CPLANE1: variants seen among roughly 807,000 people sequenced by gnomAD.
CPLANE1 encodes the protein ciliogenesis and planar polarity effector complex subunit 1, also known as ciliogenesis and planar polarity effector 1.
A neutral mutation model predicts 362.5 loss-of-function variants in CPLANE1; 263 were observed. The observed-to-expected ratio is 0.73, with a 90% CI of 0.66 to 0.80. The LOEUF (loss-of-function observed/expected upper bound fraction) is 0.80, where lower values mean the gene tolerates loss of function less well. Among genes scored for constraint, CPLANE1 ranks in the 30% least tolerant of loss-of-function variants. CPLANE1 has a pLI of 0.00. For synonymous variants in CPLANE1, 1,212 were observed against 1,302.6 expected (o/e 0.93, Z 1.50); for missense variants, 3,461 against 3,793.4 (o/e 0.91, Z 2.30).
intron 42 of CPLANE1, among the ~76,000 whole-genome samples, chr5:37,149,264 C>T (rs1355146416): frequency 6.6e-6 from 1 of 152,104 alleles, no homozygotes; most frequent in Non-Finnish European, 1.5e-5. Context: ...GGATTGGCTC[C>T]TGACATCAAA....
rs765252155 is a variant in CPLANE1, at chr5:37,230,889, G to A, written c.1099C>T (p.Leu367Phe). 8 of 1,537,960 alleles carry A rather than the reference G, an allele frequency of 5.2e-6. No individual in the cohort carries two copies. Among genetic ancestry groups the A allele is most frequent in the South Asian group, 3.7e-5 (3 of 81,332 alleles). The stretch of plus-strand genomic sequence containing the variant: ...CACCTATACGTTATTAGTGGATGAA[G>A]AGGAATAAATTCTGCTGGGCCAAAT... ...IEFGPAEFIP[L>F]HPLITYRPQQ... Residue 367 changes from leucine to phenylalanine, a missense_variant, in exon 9 of 53, where the codon CTT becomes TTT. By Grantham distance (22) the Leu-to-Phe change is conservative. Around this residue, in one of 2 missense-constraint regions of CPLANE1, gnomAD observed 3,380 missense variants for 3,666.1 expected, o/e 0.92. Coordinates refer to ENST00000651892, the MANE Select transcript of CPLANE1 (RefSeq NM_001384732.1).
chr5:37,178,632 C>T (rs1271904807), intron 29 of CPLANE1, among the ~76,000 whole-genome samples: 2 of 150,682 alleles, frequency 1.3e-5, no homozygotes, highest in East Asian at 3.9e-4. Context: ...AAAACAAAAA[C>T]ACAGAATTGT....
chr5:37,195,923 ATACCTCCTT>A lies in CPLANE1; in HGVS notation c.3737_3745del (p.Lys1246_Gly1248del). On this transcript the variant is annotated inframe_deletion, in exon 21 of 53. Coordinates refer to ENST00000651892, the MANE Select transcript of CPLANE1 (RefSeq NM_001384732.1). The stretch of plus-strand genomic sequence containing the variant: ...AGCTGCTCCAGGTCTAAAAAATGCG[ATACCTCCTT>A]TACAGTAATTAAGTAATGACTGAGG... The A allele has an allele frequency of 6.2e-7, 1 of 1,613,462 alleles. No homozygotes were observed. The highest frequency in any genetic ancestry group is 8.5e-7 in the Non-Finnish European group (1 of 1,179,736).
rs1408419225 is a variant in CPLANE1 at position 37,106,609 on chromosome 5, A to T, written c.*993T>A. On this transcript the variant is annotated 3_prime_UTR_variant, in exon 53 of 53. Coordinates refer to ENST00000651892, the MANE Select transcript of CPLANE1 (RefSeq NM_001384732.1). ...TATTTTCTAAAACAATTTGGTAAGG[A>T]GAGTAGCATTGTTTTATAGTTCTAC... The T allele has an allele frequency of 2.5e-6, 1 of 400,178 alleles. No individual in the cohort carries two copies. The highest frequency in any genetic ancestry group is 3.4e-6 in the Non-Finnish European group (1 of 295,008). 24.8% of individuals were successfully genotyped at this position (400,178 alleles called of 1,614,324 possible). A position where few individuals can be genotyped will look rare whatever the true frequency, so the allele number is the denominator to read the frequency against.
chr5:37,146,705 T>C (rs529167437), intron 43 of CPLANE1, among the ~76,000 whole-genome samples: 2 of 152,156 alleles, frequency 1.3e-5, no homozygotes, highest in East Asian at 1.9e-4. Context: ...GGTGGGTGTA[T>C]AGGTAAAAAA....
chr5:37,192,240 T>C (rs1785745669), intron 21 of CPLANE1, among the ~76,000 whole-genome samples: 3 of 152,204 alleles, frequency 2.0e-5, no homozygotes, highest in Non-Finnish European at 4.4e-5. Context: ...TGGCAACACT[T>C]CTTTTTAGAG....
At chr5:37,193,724 C>A (rs776480407) in intron 21 of CPLANE1, among the ~76,000 whole-genome samples, 1 of 151,724 alleles carries the variant, frequency 6.6e-6, no homozygotes, top group Non-Finnish European at 1.5e-5. Flanking sequence ...GGGAAAGGAA[C>A]CTTGTTTTTT....
chr5:37,148,257 C>T lies in CPLANE1; in HGVS notation c.8385G>A (p.Val2795=). The part of the protein sequence containing the change: ...LDLHCDKIGP[V]DHIEFSSGPE... The stretch of plus-strand genomic sequence containing the variant: ...GGCCAGAAGAGAATTCAATGTGATC[C>T]ACTGGTCCAATCTGTAGAAAAAACA... The change falls in exon 43 of 53, where the codon GTG becomes GTA. Residue 2795 remains valine (V), a synonymous_variant. Coordinates refer to ENST00000651892, the MANE Select transcript of CPLANE1 (RefSeq NM_001384732.1). The T allele has an allele frequency of 1.2e-6, 2 of 1,607,144 alleles. No individual in the cohort carries two copies. Among genetic ancestry groups the T allele is most frequent in the Non-Finnish European group, 1.7e-6 (2 of 1,175,664 alleles).
Position 37,164,265 on chromosome 5 carries a change from A to G in CPLANE1, c.7588+8T>C, listed in dbSNP as rs377295986. The stretch of plus-strand genomic sequence containing the variant: ...CTTAGACATTACATTAATCATACAC[A>G]TACATACCAAAAGGAACGTCGAAGT... On this transcript the variant is annotated splice_region_variant and intron_variant, in intron 37 of 52. Coordinates refer to ENST00000651892, the MANE Select transcript of CPLANE1 (RefSeq NM_001384732.1). The G allele has an allele frequency of 3.7e-6, 6 of 1,604,284 alleles. No individual in the cohort carries two copies. Among genetic ancestry groups the G allele is most frequent in the Non-Finnish European group, 5.1e-6 (6 of 1,171,258 alleles).
At chr5:37,237,433 T>A (rs944551542) in intron 8 of CPLANE1, among the ~76,000 whole-genome samples, 2 of 152,112 alleles carry the variant, frequency 1.3e-5, no homozygotes, top group Non-Finnish European at 2.9e-5. Context: ...ATAATAGGCA[T>A]TGGAGACTAC....
At chr5:37,246,089 G>A (rs1332396649) in intron 2 of CPLANE1, 2 of 225,828 alleles carry the variant, frequency 8.9e-6, no homozygotes, top group African/African-American at 2.3e-5. Flanking sequence ...TTTCTTTGAA[G>A]TTTAAAATTA....
At chr5:37,142,608 AGC>A (rs1770122231) in intron 43 of CPLANE1, 128 bp from the exon 44 acceptor site, 1 of 549,604 alleles carries the variant, frequency 1.8e-6, no homozygotes, top group Non-Finnish European at 3.1e-6. Context: ...TTATGCTAAT[AGC>A]TTTCTACTGT....
At chr5:37,182,419 G>T (rs1782899882) in intron 26 of CPLANE1, among the ~76,000 whole-genome samples, 1 of 152,156 alleles carries the variant, frequency 6.6e-6, no homozygotes, top group African/African-American at 2.4e-5. Flanking sequence ...AAACTACAGA[G>T]CCACCTAGTC....
downstream of CPLANE1, among the ~76,000 whole-genome samples, chr5:37,101,943 GAT>G (rs1757311779): frequency 5.9e-5 from 9 of 151,398 alleles, no homozygotes; most frequent in South Asian, 1.9e-3. Flanking sequence ...GGTCAGTGGT[GAT>G]ATCCCCCTTA....
chr5:37,178,653 G>A (rs1047572485), intron 29 of CPLANE1, among the ~76,000 whole-genome samples: 2 of 151,428 alleles, frequency 1.3e-5, no homozygotes, highest in Non-Finnish European at 2.9e-5. Flanking sequence ...TACAATAATT[G>A]GAAATGTCTA....
intron 46 of CPLANE1, among the ~76,000 whole-genome samples, chr5:37,132,494 G>A (rs1052469432): frequency 4.6e-5 from 7 of 151,758 alleles, no homozygotes; most frequent in Non-Finnish European, 1.0e-4. Context: ...ACAGGCGCCC[G>A]CCACCACGCC....
intron 46 of CPLANE1, among the ~76,000 whole-genome samples, chr5:37,135,970 T>G (rs1450418800): frequency 6.6e-6 from 1 of 152,184 alleles, no homozygotes; most frequent in East Asian, 1.9e-4. Flanking sequence ...CAATTCAAGA[T>G]GAGATGTGGA....
At chr5:37,181,088 A>T (rs1482084669) in intron 26 of CPLANE1, 83 bp from the exon 27 acceptor site, 1 of 1,169,698 alleles carries the variant, frequency 8.5e-7, no homozygotes, top group African/African-American at 1.6e-5. Context: ...TTCTTTCTAC[A>T]GGAATTCTGA....
chr5:37,125,374 G>A lies in CPLANE1; in HGVS notation c.8828C>T (p.Thr2943Ile), dbSNP rs778535345. 43 of 1,613,076 alleles carry A rather than the reference G, an allele frequency of 2.7e-5. No homozygotes were observed. The highest frequency in any genetic ancestry group is 3.3e-5 in the Admixed American group (2 of 59,854). ...TTGAATCTCTCTTCTTTCCTTGTCA[G>A]TTCTTTGTGAATGTCTGCCAGAATA... ...QHYSGRHSQRTDKERREIQAW... is the reference protein window; with the variant it reads ...QHYSGRHSQRIDKERREIQAW... The change falls in exon 47 of 53, where the codon ACT (threonine) becomes ATT (isoleucine). Residue 2943 changes from threonine (T) to isoleucine (I), a missense_variant. Transcript: ENST00000651892.
Sources: allele counts gnomAD v4.1 joint callset (sites outside exome capture counted in the v4.1 genomes callset), GRCh38; gene constraint gnomAD v4.1.1; regional missense constraint gnomAD v4.1.1; transcripts MANE v1.5; gene names NCBI Gene and HGNC (gene_info 2026-07-23, HGNC 2026-07-21).